The following AGBL1 variants were observed in gnomAD, a reference collection of about 807,000 sequenced individuals.
AGBL1 encodes AGBL carboxypeptidase 1.
In AGBL1, 130 loss-of-function variants were observed where a neutral mutation model predicts 118.9. The ratio of observed to expected loss-of-function variants is 1.09; its 90% CI spans 0.95 to 1.26. The LOEUF is 1.26. Ranked by LOEUF, AGBL1 falls within the 50% of genes most tolerant of loss-of-function variation. The probability of loss-of-function intolerance (pLI) is 0.00; values close to 1 mark genes in which losing one functional copy is unlikely to be tolerated. For synonymous variants in AGBL1, 555 were observed against 478.9 expected (o/e 1.16, Z -2.08); for missense variants, 1,584 against 1,298.1 (o/e 1.22, Z -3.38).
rs377198296 is a variant in AGBL1, at chr15:86,964,223, G to T, written c.3222-23764G>T. Among the ~76,000 whole-genome samples, 5 of 152,042 alleles carry T rather than the reference G, an allele frequency of 3.3e-5. No homozygotes were observed. In the East Asian group the frequency reaches 7.8e-4, roughly 24 times the overall value. ...ACTAGGACTCTTCAATCACTCTTTTGCAGGGTTTCTTAACCTCAGTACTAT... is the reference window on the plus strand; with the variant it reads ...ACTAGGACTCTTCAATCACTCTTTTTCAGGGTTTCTTAACCTCAGTACTAT... On this transcript the variant is annotated intron_variant, in intron 23 of 24. Transcript: ENST00000441037.
chr15:86,280,823 C>T (rs1669926250), intron 16 of AGBL1, among the ~76,000 whole-genome samples: 1 of 152,190 alleles, frequency 6.6e-6, no homozygotes, highest in African/African-American at 2.4e-5. Context: ...GAAAGTGCAT[C>T]TGTCCTCTTC....
At chr15:86,921,548 AG>A (rs1474209028) in intron 23 of AGBL1, among the ~76,000 whole-genome samples, 1 of 152,154 alleles carries the variant, frequency 6.6e-6, no homozygotes, top group Non-Finnish European at 1.5e-5. Context: ...AAGGCCAGCT[AG>A]GTGTCTGGAA....
chr15:86,083,049 C>T lies in AGBL1; in HGVS notation c.51+3026C>T, dbSNP rs530015615. On this transcript the variant is annotated intron_variant, in intron 1 of 22. Transcript: ENST00000614907. ...GGATTAAGAGAATACATCTGAAAAG[C>T]GCTTGTAAACTCTAAATGGCTGTTT... 1.2e-3 allele frequency among the ~76,000 whole-genome samples: 183 copies of T among 152,312 alleles called. 1 individual carries two copies. Among genetic ancestry groups the T allele is most frequent in the African/African-American group, 4.1e-3 (170 of 41,566 alleles).
chr15:86,110,836 A>T (rs1027001231), intron 1 of AGBL1, among the ~76,000 whole-genome samples: 1 of 152,222 alleles, frequency 6.6e-6, no homozygotes, highest in Non-Finnish European at 1.5e-5. Flanking sequence ...GAAGAGCCAG[A>T]GGAAATAGTT....
chr15:86,446,979 C>A (rs1266621355), intron 18 of AGBL1, among the ~76,000 whole-genome samples: 2 of 152,074 alleles, frequency 1.3e-5, no homozygotes, highest in Admixed American at 6.5e-5. Flanking sequence ...GTCTGGATTA[C>A]CTGAGTGGGT....
At chr15:86,847,442 TG>T (rs1025593455) in intron 22 of AGBL1, among the ~76,000 whole-genome samples, 1 of 152,372 alleles carries the variant, frequency 6.6e-6, no homozygotes, top group Non-Finnish European at 1.5e-5. Flanking sequence ...TTTTGTTTTT[TG>T]GTAACTTGCT....
At chr15:86,369,885 T>C (rs1191004901) in intron 17 of AGBL1, among the ~76,000 whole-genome samples, 1 of 152,094 alleles carries the variant, frequency 6.6e-6, no homozygotes, top group Non-Finnish European at 1.5e-5. Flanking sequence ...AACAAACCTA[T>C]AAAATGGATG....
At chr15:86,363,046 T>C (rs549324486) in intron 17 of AGBL1, among the ~76,000 whole-genome samples, 1 of 152,280 alleles carries the variant, frequency 6.6e-6, no homozygotes, top group East Asian at 1.9e-4. Flanking sequence ...GAGCTGAGTC[T>C]ACAGGGGAAT....
chr15:86,765,923 C>T (rs1486938059), intron 22 of AGBL1, among the ~76,000 whole-genome samples: 3 of 151,848 alleles, frequency 2.0e-5, no homozygotes, highest in Non-Finnish European at 2.9e-5. Context: ...AGAGCTGAGC[C>T]TAGTTTAGTC....
intron 15 of AGBL1, among the ~76,000 whole-genome samples, chr15:86,275,994 A>C (rs562019038): frequency 7.2e-5 from 11 of 152,320 alleles, no homozygotes; most frequent in African/African-American, 2.6e-4. Flanking sequence ...ATGAGATAAA[A>C]CACGTGTAAA....
downstream of AGBL1, among the ~76,000 whole-genome samples, chr15:86,916,895 A>G (rs545751093): frequency 2.2e-3 from 331 of 152,292 alleles, 3 homozygotes; most frequent in African/African-American, 7.3e-3. Flanking sequence ...CAGAGCACAG[A>G]GCAGAGCAGT....
At chr15:86,735,034 C>T (rs1208040699) in intron 22 of AGBL1, among the ~76,000 whole-genome samples, 1 of 149,706 alleles carries the variant, frequency 6.7e-6, no homozygotes, top group East Asian at 1.9e-4. Flanking sequence ...AGGCATCATA[C>T]TCAGTGTGAA....
At chr15:86,185,383 T>A (rs541899842) in intron 5 of AGBL1, among the ~76,000 whole-genome samples, 2 of 152,352 alleles carry the variant, frequency 1.3e-5, no homozygotes, top group Admixed American at 6.5e-5. Flanking sequence ...AAATACCATT[T>A]GACCCAGCCA....
intron 5 of AGBL1, among the ~76,000 whole-genome samples, chr15:86,206,400 A>C (rs369780082): frequency 0.01 from 1,595 of 152,208 alleles, 26 homozygotes; most frequent in African/African-American, 0.037. Context: ...CTGTCTTCCA[A>C]AATGGTTGAA....
chr15:86,452,340 G>A (rs1233991141), intron 18 of AGBL1, among the ~76,000 whole-genome samples: 1 of 152,154 alleles, frequency 6.6e-6, no homozygotes, highest in African/African-American at 2.4e-5. Context: ...CTGGACACTT[G>A]TCTCAGAAAA....
intron 16 of AGBL1, among the ~76,000 whole-genome samples, chr15:86,290,378 T>C (rs2079525594): frequency 6.8e-6 from 1 of 148,022 alleles, no homozygotes; most frequent in African/African-American, 2.5e-5. Context: ...TAAGACAGGG[T>C]CTCGCTCTGT....
At chr15:86,802,494 G>A (rs2141351328) in intron 22 of AGBL1, among the ~76,000 whole-genome samples, 1 of 152,224 alleles carries the variant, frequency 6.6e-6, no homozygotes, top group South Asian at 2.1e-4. Flanking sequence ...ATGTTGCAAT[G>A]CTGGAGAGCC....
At chr15:86,101,669 T>C (rs1486178049) in intron 1 of AGBL1, among the ~76,000 whole-genome samples, 1 of 152,044 alleles carries the variant, frequency 6.6e-6, no homozygotes, top group African/African-American at 2.4e-5. Context: ...ATAATCTGTT[T>C]TATCTGCTAT....
rs145708183 is a variant in AGBL1, at chr15:86,834,090, C to T, written c.3159-72997C>T. Among the ~76,000 whole-genome samples, 9 of 152,208 alleles carry T rather than the reference C, an allele frequency of 5.9e-5. No homozygotes were observed. In the East Asian group the frequency reaches 1.7e-3, roughly 29 times the overall value. The stretch of plus-strand genomic sequence containing the variant: ...GTGCTTGACTTTGATCACTATGAGG[C>T]ATTATAGTTTCTCCTACACAATGGA... On this transcript the variant is annotated intron_variant, in intron 22 of 22. Coordinates refer to ENST00000614907, the MANE Select transcript of AGBL1 (RefSeq NM_001386094.1).
Sources: allele counts gnomAD v4.1 joint callset (sites outside exome capture counted in the v4.1 genomes callset), GRCh38; gene constraint gnomAD v4.1.1; transcripts MANE v1.5; gene names NCBI Gene and HGNC (gene_info 2026-07-23, HGNC 2026-07-21).